The following SPECC1 variants were observed in gnomAD, a reference collection of about 807,000 sequenced individuals.
SPECC1 encodes cytospin-B.
Under a neutral mutation model 104.1 loss-of-function variants are expected in SPECC1, and 62 were observed. That is an observed-to-expected ratio of 0.60 (90% confidence interval 0.49 to 0.74). The LOEUF is 0.74. Ranked by LOEUF, SPECC1 falls within the 30% of genes least tolerant of loss-of-function variation. The pLI is 0.00. For synonymous variants in SPECC1, 513 were observed against 501.6 expected, an observed-to-expected ratio of 1.02 and a Z score of -0.30; for missense variants, 1,306 against 1,310.5, an observed-to-expected ratio of 1.00 and a Z score of 0.05.
In SPECC1 at chr17:20,164,745, C is replaced by CT. The variant is rs1427874520; in HGVS notation, c.284-39585dup. On this transcript the variant is annotated intron_variant, in intron 3 of 14. Transcript: ENST00000395527. ...AATTCTTGTTCACCACCTTTGTAAT[C>CT]TTTCTGTAGCATGGACTTCAAAACT... is the stretch of plus-strand genomic sequence containing the variant. 2.0e-5 allele frequency among the ~76,000 whole-genome samples: 3 copies of CT among 152,152 alleles called. No individual in the cohort carries two copies. The East Asian group carries it at 5.8e-4, about 29-fold the overall frequency.
At chr17:20,066,911 A>ATTT (rs371289652) in intron 1 of SPECC1, among the ~76,000 whole-genome samples, 25,301 of 119,744 alleles carry the variant, frequency 0.21, 3,309 homozygotes, top group Middle Eastern at 0.32. Flanking sequence ...GGCTAATCAA[A>ATTT]TTTTTTTTTT....
intron 12 of SPECC1, among the ~76,000 whole-genome samples, chr17:20,274,276 G>T (rs1264531877): frequency 1.3e-5 from 2 of 152,168 alleles, no homozygotes; most frequent in African/African-American, 2.4e-5. Flanking sequence ...GCCTCTGTGG[G>T]TCTGGCCTCT....
At chr17:20,274,832 A>G (rs1004152201) in intron 12 of SPECC1, among the ~76,000 whole-genome samples, 18 of 151,476 alleles carry the variant, frequency 1.2e-4, no homozygotes, top group Admixed American at 3.9e-4. Flanking sequence ...TATTGCATTC[A>G]TGAAAGTCCA....
chr17:20,185,829 T>G (rs993897796), intron 3 of SPECC1, among the ~76,000 whole-genome samples: 2 of 152,132 alleles, frequency 1.3e-5, no homozygotes, highest in Admixed American at 6.6e-5. Flanking sequence ...GTGTCCTGTT[T>G]TGTATTTTTA....
chr17:20,082,965 C>T (rs1490290509), intron 1 of SPECC1, among the ~76,000 whole-genome samples: 1 of 42,960 alleles, frequency 2.3e-5, no homozygotes, highest in Admixed American at 2.6e-4. Context: ...GGTGTTCGTT[C>T]GTTCGTTCGT....
At chr17:20,257,143 G>A (rs1192597135) in intron 10 of SPECC1, among the ~76,000 whole-genome samples, 1 of 152,194 alleles carries the variant, frequency 6.6e-6, no homozygotes, top group Admixed American at 6.5e-5. Context: ...TGGGGACAGG[G>A]CTGGCTTCGT....
At chr17:20,168,743 G>T (rs574149254) in intron 3 of SPECC1, among the ~76,000 whole-genome samples, 2 of 152,354 alleles carry the variant, frequency 1.3e-5, no homozygotes, top group African/African-American at 4.8e-5. Flanking sequence ...GCTTGGAAAT[G>T]AGTATATAAA....
intron 12 of SPECC1, among the ~76,000 whole-genome samples, chr17:20,281,662 G>A (rs527943983): frequency 1.8e-3 from 267 of 152,342 alleles, no homozygotes; most frequent in African/African-American, 6.1e-3. Context: ...GGCTTCAGGG[G>A]GCTGCTAGTC....
intron 9 of SPECC1, among the ~76,000 whole-genome samples, chr17:20,252,296 G>A (rs1426327978): frequency 1.3e-5 from 2 of 151,956 alleles, no homozygotes; most frequent in African/African-American, 2.4e-5. Flanking sequence ...TTCAGATTCA[G>A]GGTGTACATG....
intron 12 of SPECC1, among the ~76,000 whole-genome samples, chr17:20,286,816 C>T (rs2040963554): frequency 6.6e-6 from 1 of 152,216 alleles, no homozygotes; most frequent in Non-Finnish European, 1.5e-5. Flanking sequence ...GGGCTGGATG[C>T]TTTTCCAGTC....
rs762421802 is a variant in SPECC1, at chr17:20,297,066, A to G, written c.3046A>G (p.Ser1016Gly). The change falls in exon 13 of 15, where the codon AGT (serine) becomes GGT (glycine). Residue 1016 changes from serine to glycine, a missense_variant. Ser to Gly is a moderately conservative substitution (Grantham distance 56, BLOSUM62 0). Transcript: ENST00000395527. ...PAHIPYQELN[S>G]QEKKRNLLLA... Reference sequence around the variant, plus strand: ...CCACATCCCCTACCAGGAGCTGAATAGTCAGGAGAAAGTAAGTCATGGCCC... The same window carrying G: ...CCACATCCCCTACCAGGAGCTGAATGGTCAGGAGAAAGTAAGTCATGGCCC... 1 of 1,614,056 alleles carries G rather than the reference A, an allele frequency of 6.2e-7. No individual in the cohort carries two copies. Among genetic ancestry groups the G allele is most frequent in the Non-Finnish European group, 8.5e-7 (1 of 1,179,944 alleles).
intron 12 of SPECC1, among the ~76,000 whole-genome samples, chr17:20,277,210 T>C (rs1332664605): frequency 1.3e-5 from 2 of 152,178 alleles, no homozygotes; most frequent in South Asian, 2.1e-4. Context: ...ACACTTGGGC[T>C]GATGCTTCTG....
intron 1 of SPECC1, among the ~76,000 whole-genome samples, chr17:20,061,507 A>G (rs1011221359): frequency 1.3e-5 from 2 of 152,250 alleles, no homozygotes; most frequent in Admixed American, 1.3e-4. Context: ...GGTAGAGGCC[A>G]GTCTGAGAGT....
intron 9 of SPECC1, 54 bp downstream of exon 9, chr17:20,247,373 G>A (rs950423809): frequency 3.7e-6 from 5 of 1,340,096 alleles, no homozygotes; most frequent in African/African-American, 2.9e-5. Flanking sequence ...TATCCCTCTA[G>A]ATGTTTTTCT....
At chr17:20,231,349 A>G (rs975120081) in intron 5 of SPECC1, among the ~76,000 whole-genome samples, 4 of 152,324 alleles carry the variant, frequency 2.6e-5, no homozygotes, top group African/African-American at 9.6e-5. Flanking sequence ...ATAAGCATTC[A>G]TGTGCTCTGT....
chr17:20,105,461 T>TC (rs1288435942), intron 2 of SPECC1, among the ~76,000 whole-genome samples: 9 of 152,126 alleles, frequency 5.9e-5, no homozygotes, highest in African/African-American at 1.9e-4. Flanking sequence ...GCTGCCTCCT[T>TC]CCTGTGTGAT....
intron 3 of SPECC1, among the ~76,000 whole-genome samples, chr17:20,178,543 T>G (rs1168491385): frequency 6.6e-6 from 1 of 152,188 alleles, no homozygotes; most frequent in Non-Finnish European, 1.5e-5. Flanking sequence ...AAGAAAGCAT[T>G]AACCAGAAAA....
At chr17:20,017,786 A>G (rs1481677766) in intron 1 of SPECC1, among the ~76,000 whole-genome samples, 3 of 152,104 alleles carry the variant, frequency 2.0e-5, no homozygotes, top group Non-Finnish European at 1.5e-5. Flanking sequence ...TCACATACCA[A>G]CTGCTTGCTC....
chr17:20,176,192 G>A (rs747836835), intron 3 of SPECC1, among the ~76,000 whole-genome samples: 9 of 152,118 alleles, frequency 5.9e-5, no homozygotes, highest in Non-Finnish European at 1.0e-4. Context: ...TTTCCTTAGG[G>A]AGTTCTTTGA....
Sources: allele counts gnomAD v4.1 joint callset (sites outside exome capture counted in the v4.1 genomes callset), GRCh38; gene constraint gnomAD v4.1.1; transcripts MANE v1.5; gene names NCBI Gene and HGNC (gene_info 2026-07-23, HGNC 2026-07-21).